SH3RF3: variants seen among roughly 807,000 people sequenced by gnomAD.
SH3RF3 encodes the protein E3 ubiquitin-protein ligase SH3RF3.
Under a neutral mutation model 66.3 loss-of-function variants are expected in SH3RF3, and 29 were observed. That is an observed-to-expected ratio of 0.44 (90% CI 0.33 to 0.60). The LOEUF (loss-of-function observed/expected upper bound fraction) is 0.60. Ranked by LOEUF, SH3RF3 falls within the 20% of genes least tolerant of loss-of-function variation. SH3RF3 has a pLI of 0.04. For missense variants in SH3RF3, 1,194 were observed against 1,190.9 expected (o/e 1.00, Z -0.04); for synonymous variants, 583 against 532.0 (o/e 1.10, Z -1.32).
chr2:109,440,032 C>G (rs954623403), intron 7 of SH3RF3, among the ~76,000 whole-genome samples: 1 of 152,150 alleles, frequency 6.6e-6, no homozygotes, highest in African/African-American at 2.4e-5. Flanking sequence ...TAGGAAGTGT[C>G]TGAGCAGACA....
chr2:109,472,326 C>T (rs1290131212), intron 8 of SH3RF3, among the ~76,000 whole-genome samples: 1 of 152,026 alleles, frequency 6.6e-6, no homozygotes, highest in Non-Finnish European at 1.5e-5. Context: ...GGGCCCTCCT[C>T]ACCTGCACTC....
intron 1 of SH3RF3, among the ~76,000 whole-genome samples, chr2:109,217,731 C>T (rs1679133132): frequency 6.6e-6 from 1 of 152,154 alleles, no homozygotes; most frequent in Non-Finnish European, 1.5e-5. Context: ...TTGCCTAACA[C>T]CAAATAACTA....
chr2:109,472,474 C>G (rs188458818), intron 8 of SH3RF3, among the ~76,000 whole-genome samples: 345 of 152,288 alleles, frequency 2.3e-3, no homozygotes, highest in African/African-American at 7.7e-3. Flanking sequence ...GCTTGGCAAG[C>G]TGGCAGCCAT....
intron 5 of SH3RF3, among the ~76,000 whole-genome samples, chr2:109,430,219 G>A (rs1164259294): frequency 2.6e-5 from 4 of 152,230 alleles, no homozygotes; most frequent in Non-Finnish European, 5.9e-5. Flanking sequence ...ACCCGGCTGC[G>A]CATTCTGCAT....
chr2:109,156,054 A>T (rs185735783), intron 1 of SH3RF3, among the ~76,000 whole-genome samples: 1 of 152,148 alleles, frequency 6.6e-6, no homozygotes, highest in Admixed American at 6.5e-5. Context: ...AATCACCCGT[A>T]CTTTGGGAAG....
At position 109,437,014 on chromosome 2, in the gene SH3RF3, A is replaced by G; in HGVS notation, c.1696A>G (p.Thr566Ala). The G allele has an allele frequency of 6.2e-7, 1 of 1,613,828 alleles. No individual in the cohort carries two copies. The highest frequency in any genetic ancestry group is 8.5e-7 in the Non-Finnish European group (1 of 1,179,872). ...GAGTCTGAGCAGCCTGGCCACTGCCACCAGGCCCGCCCTGCCCATCACCAC... is the reference window on the plus strand; with the variant it reads ...GAGTCTGAGCAGCCTGGCCACTGCCGCCAGGCCCGCCCTGCCCATCACCAC... ...SGSLSSLATATRPALPITTPQ... is the reference protein window; with the variant it reads ...SGSLSSLATAARPALPITTPQ... The change falls in exon 7 of 10, where the codon ACC becomes GCC. Residue 566 changes from threonine (T) to alanine (A), a missense_variant. Physicochemically the swap from Thr to Ala is moderately conservative, Grantham distance 58 (BLOSUM62 0). Coordinates refer to ENST00000309415, the MANE Select transcript of SH3RF3 (RefSeq NM_001099289.3).
intron 1 of SH3RF3, among the ~76,000 whole-genome samples, chr2:109,159,525 A>G (rs1304257303): frequency 6.6e-6 from 1 of 152,218 alleles, no homozygotes; most frequent in Non-Finnish European, 1.5e-5. Context: ...TGTTGCTCAC[A>G]GCTTATTGTC....
intron 1 of SH3RF3, among the ~76,000 whole-genome samples, chr2:109,330,428 A>T (rs1214504793): frequency 1.3e-5 from 2 of 151,970 alleles, no homozygotes; most frequent in African/African-American, 2.4e-5. Context: ...TTCCTTAGTC[A>T]TGTATATTCG....
intron 1 of SH3RF3, among the ~76,000 whole-genome samples, chr2:109,258,793 G>A (rs376864117): frequency 4.6e-5 from 7 of 152,248 alleles, no homozygotes; most frequent in African/African-American, 1.7e-4. Context: ...CCTAATAGGG[G>A]TAGGGTCTTG....
chr2:109,229,860 T>C (rs1423694616), intron 1 of SH3RF3, among the ~76,000 whole-genome samples: 1 of 150,792 alleles, frequency 6.6e-6, no homozygotes, highest in Non-Finnish European at 1.5e-5. Context: ...AGTCTCGCTC[T>C]GTTGCCCAGG....
chr2:109,361,657 G>A (rs544927365), intron 2 of SH3RF3, among the ~76,000 whole-genome samples: 1 of 152,234 alleles, frequency 6.6e-6, no homozygotes, highest in East Asian at 1.9e-4. Flanking sequence ...TGTATTTTTA[G>A]TAGAGATGGG....
At position 109,492,929 on chromosome 2, in the gene SH3RF3, GGAGAA is replaced by G. The variant is rs1679166698; in HGVS notation, c.2480+1995_2480+1999del. ...CCAGCCCCTACAGCCACACCCACAG[GGAGAA>G]GTGCCTTCCCCTCTACAGGGCCCCA... On this transcript the variant is annotated intron_variant, in intron 9 of 9. Transcript: ENST00000309415. 4.6e-5 allele frequency among the ~76,000 whole-genome samples: 7 copies of G among 152,128 alleles called. No individual in the cohort carries two copies. The South Asian group carries it at 1.4e-3, about 31-fold the overall frequency.
chr2:109,181,166 G>A (rs1397692538), intron 1 of SH3RF3, among the ~76,000 whole-genome samples: 1 of 152,122 alleles, frequency 6.6e-6, no homozygotes, highest in Admixed American at 6.5e-5. Flanking sequence ...TTGGACTTCT[G>A]TGTCAGAGTT....
chr2:109,408,338 C>T (rs1212642620), intron 4 of SH3RF3, among the ~76,000 whole-genome samples: 5 of 152,172 alleles, frequency 3.3e-5, no homozygotes, highest in Non-Finnish European at 7.3e-5. Flanking sequence ...CCCATGATGG[C>T]CCTGGACGGG....
At chr2:109,392,675 C>T (rs906482582) in intron 3 of SH3RF3, among the ~76,000 whole-genome samples, 6 of 152,090 alleles carry the variant, frequency 3.9e-5, no homozygotes, top group Admixed American at 2.0e-4. Flanking sequence ...CCTGCCACCA[C>T]GCCCGGCTAA....
chr2:109,455,757 G>C (rs7425730), intron 8 of SH3RF3, among the ~76,000 whole-genome samples: 26 of 152,082 alleles, frequency 1.7e-4, no homozygotes, highest in African/African-American at 6.3e-4. Context: ...ACAGGCAGCC[G>C]GGGAAGCCAG....
intron 1 of SH3RF3, among the ~76,000 whole-genome samples, chr2:109,248,918 TC>T (rs1679988657): frequency 6.6e-6 from 1 of 151,542 alleles, no homozygotes; most frequent in Non-Finnish European, 1.5e-5. Context: ...TCCTGTCCTG[TC>T]CTGTCCTGTC....
At chr2:109,429,584 C>A (rs1423515980) in intron 5 of SH3RF3, among the ~76,000 whole-genome samples, 2 of 152,050 alleles carry the variant, frequency 1.3e-5, no homozygotes, top group East Asian at 1.9e-4. Context: ...AGGACCCCAG[C>A]CTCCCCGGGC....
rs139133729 is a variant in SH3RF3 at position 109,347,802 on chromosome 2, C to T, written c.702C>T (p.Gly234=). 844 of 1,613,960 alleles carry T rather than the reference C, an allele frequency of 5.2e-4. 4 individuals are homozygous for T. The African/African-American group carries it at 8.0e-3, about 15-fold the overall frequency. Residue 234 remains glycine, a synonymous_variant, in exon 2 of 10, where the codon GGC becomes GGT. Coordinates refer to ENST00000309415, the MANE Select transcript of SH3RF3 (RefSeq NM_001099289.3). ...AGGTGGATGAACAGTGGTACCACGG[C>T]GAGCTGCACGGCACACAGGGCTTCC... ...RRKVDEQWYH[G]ELHGTQGFLP... is the part of the protein sequence containing the mutation.
Sources: allele counts gnomAD v4.1 joint callset (sites outside exome capture counted in the v4.1 genomes callset), GRCh38; gene constraint gnomAD v4.1.1; transcripts MANE v1.5; gene names NCBI Gene and HGNC (gene_info 2026-07-23, HGNC 2026-07-21).